FRMD6: variants seen among roughly 807,000 people sequenced by gnomAD.
FRMD6 encodes FERM domain-containing protein 6.
Under a neutral mutation model 73.2 loss-of-function variants are expected in FRMD6, and 37 were observed. That is an observed-to-expected ratio of 0.51 (90% CI 0.39 to 0.66). The LOEUF (loss-of-function observed/expected upper bound fraction) is 0.66. Among genes scored for constraint, FRMD6 ranks in the 30% least tolerant of loss-of-function variants. The pLI is 0.00. For missense variants in FRMD6, 714 were observed against 780.5 expected, an observed-to-expected ratio of 0.91 and a Z score of 1.02; for synonymous variants, 273 against 282.2, an observed-to-expected ratio of 0.97 and a Z score of 0.33.
intron 1 of FRMD6, among the ~76,000 whole-genome samples, chr14:51,505,084 G>A (rs1883877091): frequency 6.6e-6 from 1 of 152,208 alleles, no homozygotes; most frequent in Non-Finnish European, 1.5e-5. Flanking sequence ...CAATGGGGAA[G>A]CAGAATCTTC....
chr14:51,515,901 C>T (rs1333232998), intron 1 of FRMD6, among the ~76,000 whole-genome samples: 3 of 152,026 alleles, frequency 2.0e-5, no homozygotes, highest in Non-Finnish European at 2.9e-5. Context: ...GAATGTGAGA[C>T]GTTTTAGAAA....
intron 2 of FRMD6, among the ~76,000 whole-genome samples, chr14:51,593,972 C>T (rs904661559): frequency 3.9e-5 from 6 of 152,028 alleles, no homozygotes; most frequent in African/African-American, 9.7e-5. Context: ...TAAGACCAAA[C>T]GGCTTGGCAT....
the FRMD6 span, among the ~76,000 whole-genome samples, chr14:51,456,951 A>G: frequency 2.2e-4 from 33 of 152,314 alleles, 1 homozygote; most frequent in African/African-American, 7.7e-4. Context: ...AGTTGATCTC[A>G]TACAAGTAGA....
intron 2 of FRMD6, among the ~76,000 whole-genome samples, chr14:51,595,633 G>A (rs1889671512): frequency 6.6e-6 from 1 of 152,158 alleles, no homozygotes; most frequent in Non-Finnish European, 1.5e-5. Flanking sequence ...GATGGCAAGG[G>A]GAAGCCCTTC....
chr14:51,525,643 C>T (rs1885210353), intron 1 of FRMD6, among the ~76,000 whole-genome samples: 1 of 152,080 alleles, frequency 6.6e-6, no homozygotes, highest in Admixed American at 6.6e-5. Flanking sequence ...ATTTGAATCC[C>T]TAGTAAATAT....
chr14:51,428,482 T>C, the FRMD6 span, among the ~76,000 whole-genome samples: 1 of 152,210 alleles, frequency 6.6e-6, no homozygotes, highest in Admixed American at 6.5e-5. Context: ...GTTACAAGTC[T>C]TCAGATGAAG....
At chr14:51,681,146 T>C (rs1894768838) in intron 1 of FRMD6, among the ~76,000 whole-genome samples, 1 of 152,230 alleles carries the variant, frequency 6.6e-6, no homozygotes. Flanking sequence ...TGAGCATTAC[T>C]TGGCACCAAT....
chr14:51,549,968 C>T (rs1193739705), intron 1 of FRMD6, among the ~76,000 whole-genome samples: 3 of 152,200 alleles, frequency 2.0e-5, no homozygotes, highest in Non-Finnish European at 4.4e-5. Flanking sequence ...CACATGTCCG[C>T]TAACCTAAAC....
At chr14:51,638,459 A>G (rs1202430790) in intron 2 of FRMD6, among the ~76,000 whole-genome samples, 2 of 151,980 alleles carry the variant, frequency 1.3e-5, no homozygotes, top group Non-Finnish European at 2.9e-5. Context: ...GGAGACACTT[A>G]CTGCCGGGCT....
At chr14:51,645,323 T>C (rs563282096) in intron 2 of FRMD6, among the ~76,000 whole-genome samples, 2 of 152,200 alleles carry the variant, frequency 1.3e-5, no homozygotes, top group Non-Finnish European at 2.9e-5. Flanking sequence ...CATCTTGTTT[T>C]ATAACCAAAT....
At chr14:51,530,756 G>A (rs1766792795) in intron 1 of FRMD6, among the ~76,000 whole-genome samples, 1 of 151,956 alleles carries the variant, frequency 6.6e-6, no homozygotes, top group African/African-American at 2.4e-5. Flanking sequence ...CAACATGCTG[G>A]GATTACAGGC....
chr14:51,720,097 A>T lies in FRMD6; in HGVS notation c.1067A>T (p.Asp356Val). The T allele has an allele frequency of 6.2e-7, 1 of 1,613,608 alleles. No individual in the cohort carries two copies. The highest frequency in any genetic ancestry group is 8.5e-7 in the Non-Finnish European group (1 of 1,179,956). The change falls in exon 11 of 14, where the codon GAC (aspartate) becomes GTC (valine). Residue 356 changes from aspartate to valine, a missense_variant. By Grantham distance (152) the Asp-to-Val change is radical. Coordinates refer to ENST00000344768, the MANE Select transcript of FRMD6 (RefSeq NM_001267046.2). Reference sequence around the variant, plus strand: ...GAATCTTACATCAGTGACAACCTGGACCTCGACATGGACCAGCTGGAAAAA... The same window carrying T: ...GAATCTTACATCAGTGACAACCTGGTCCTCGACATGGACCAGCTGGAAAAA... ...YRESYISDNL[D>V]LDMDQLEKRS...
intron 12 of FRMD6, 57 bp downstream of exon 12, chr14:51,722,137 A>T (rs879196877): frequency 6.3e-7 from 1 of 1,594,500 alleles, no homozygotes; most frequent in Non-Finnish European, 8.6e-7. Flanking sequence ...GGACTGAAAA[A>T]CACATGCCTC....
At chr14:51,475,921 G>A in the FRMD6 span, among the ~76,000 whole-genome samples, 72 of 152,098 alleles carry the variant, frequency 4.7e-4, 2 homozygotes, top group Non-Finnish European at 1.0e-4. Flanking sequence ...ATGTAAGCAC[G>A]TGCTTACATG....
At chr14:51,442,289 A>T in the FRMD6 span, among the ~76,000 whole-genome samples, 24 of 151,526 alleles carry the variant, frequency 1.6e-4, no homozygotes, top group Non-Finnish European at 2.5e-4. Flanking sequence ...TGCCTCCCTA[A>T]TCTTCCCTCC....
At chr14:51,600,814 G>C (rs1489850664) in intron 2 of FRMD6, among the ~76,000 whole-genome samples, 1 of 152,180 alleles carries the variant, frequency 6.6e-6, no homozygotes, top group Non-Finnish European at 1.5e-5. Flanking sequence ...TCAAACCCTG[G>C]CCATTGCCAA....
chr14:51,602,837 C>G (rs542862817), intron 2 of FRMD6, among the ~76,000 whole-genome samples: 6 of 152,208 alleles, frequency 3.9e-5, no homozygotes, highest in African/African-American at 1.4e-4. Context: ...AGATGTTTAT[C>G]CCAATATTAT....
the FRMD6 span, among the ~76,000 whole-genome samples, chr14:51,476,090 G>A: frequency 3.3e-5 from 5 of 152,276 alleles, no homozygotes; most frequent in African/African-American, 7.2e-5. Flanking sequence ...TGCACCAACA[G>A]AAGTCAAATC....
At chr14:51,647,484 C>A (rs1447352450), upstream of FRMD6, among the ~76,000 whole-genome samples, 1 of 152,122 alleles carries the variant, frequency 6.6e-6, no homozygotes, top group Non-Finnish European at 1.5e-5. Flanking sequence ...AAAATCAGGA[C>A]CATAACACTA....
Sources: gnomAD v4.1 joint callset for allele counts (sites outside exome capture counted in the v4.1 genomes callset) on GRCh38, gnomAD v4.1.1 for gene constraint, MANE v1.5 for transcripts, NCBI Gene and HGNC (gene_info 2026-07-23, HGNC 2026-07-21) for gene names.